Variants in ZBTB20 observed in about 807,000 individuals in gnomAD.
ZBTB20 encodes zinc finger and BTB domain-containing protein 20.
Under a neutral mutation model 56.9 loss-of-function variants are expected in ZBTB20, and 9 were observed. The ratio of observed to expected loss-of-function variants is 0.16; its 90% confidence interval spans 0.10 to 0.28. ZBTB20 has a LOEUF of 0.28. ZBTB20 is among the 10% of genes least tolerant of loss of function. The pLI is 1.00. For missense variants in ZBTB20, 655 were observed against 1,003.0 expected (o/e 0.65, Z 4.69); for synonymous variants, 417 against 420.7 (o/e 0.99, Z 0.11).
intron 3 of ZBTB20, among the ~76,000 whole-genome samples, chr3:114,953,550 C>G (rs746578919): frequency 1.5e-4 from 22 of 151,692 alleles, no homozygotes; most frequent in Non-Finnish European, 2.8e-4. Flanking sequence ...TATAATAAAG[C>G]TGGAATGGCT....
At chr3:115,144,424 T>A (rs974816964) in intron 1 of ZBTB20, among the ~76,000 whole-genome samples, 9 of 152,188 alleles carry the variant, frequency 5.9e-5, no homozygotes, top group African/African-American at 2.2e-4. Context: ...TAAAATATTT[T>A]TTCCTTAGAT....
intron 7 of ZBTB20, among the ~76,000 whole-genome samples, chr3:114,448,152 A>G (rs1313711087): frequency 6.6e-6 from 1 of 152,130 alleles, no homozygotes; most frequent in African/African-American, 2.4e-5. Flanking sequence ...GCAGCCACCC[A>G]GGATCAGCTC....
intron 3 of ZBTB20, among the ~76,000 whole-genome samples, chr3:114,945,607 A>C (rs1231857506): frequency 6.9e-6 from 1 of 145,632 alleles, no homozygotes; most frequent in Non-Finnish European, 1.5e-5. Flanking sequence ...ATTAATAAAA[A>C]AAGTTAAGAC....
intron 1 of ZBTB20, among the ~76,000 whole-genome samples, chr3:115,127,149 A>G (rs1355001039): frequency 6.6e-6 from 1 of 152,202 alleles, no homozygotes; most frequent in Non-Finnish European, 1.5e-5. Flanking sequence ...TATGTTATCT[A>G]TCTAGTCATT....
intron 5 of ZBTB20, among the ~76,000 whole-genome samples, chr3:114,765,715 T>C (rs755899710): frequency 3.3e-5 from 5 of 152,194 alleles, no homozygotes; most frequent in Non-Finnish European, 7.4e-5. Flanking sequence ...ATATATTGTT[T>C]AAGAAGGTTG....
At chr3:114,510,286 C>T (rs557797753) in intron 6 of ZBTB20, among the ~76,000 whole-genome samples, 1 of 152,178 alleles carries the variant, frequency 6.6e-6, no homozygotes. Flanking sequence ...GAAGTCCATT[C>T]ATCTCTGACC....
At chr3:114,628,153 C>T (rs1341349097) in intron 6 of ZBTB20, among the ~76,000 whole-genome samples, 1 of 152,130 alleles carries the variant, frequency 6.6e-6, no homozygotes, top group Non-Finnish European at 1.5e-5. Flanking sequence ...CTCAACAACT[C>T]CGCTCATAGT....
At chr3:114,451,205 C>CAA (rs10667324) in intron 7 of ZBTB20, among the ~76,000 whole-genome samples, 68,481 of 135,978 alleles carry the variant, frequency 0.5, 18,660 homozygotes, top group Non-Finnish European at 0.64. Context: ...CAGAGGATGC[C>CAA]AAAAAAAAAA....
chr3:114,372,056 C>G (rs1223780701), intron 10 of ZBTB20, among the ~76,000 whole-genome samples: 1 of 152,192 alleles, frequency 6.6e-6, no homozygotes, highest in Non-Finnish European at 1.5e-5. Context: ...AATCCTCATG[C>G]TTGCTCTCAA....
chr3:115,127,858 T>C (rs1277320235), intron 1 of ZBTB20, among the ~76,000 whole-genome samples: 3 of 152,202 alleles, frequency 2.0e-5, no homozygotes, highest in Admixed American at 1.3e-4. Context: ...TCAGAGTTTA[T>C]GTTGAAATGA....
At chr3:114,721,519 T>G (rs1056256952) in intron 5 of ZBTB20, among the ~76,000 whole-genome samples, 2 of 152,214 alleles carry the variant, frequency 1.3e-5, no homozygotes, top group African/African-American at 4.8e-5. Flanking sequence ...CACCGAACTA[T>G]GTGCTTTATG....
intron 5 of ZBTB20, among the ~76,000 whole-genome samples, chr3:114,769,223 A>G (rs996801833): frequency 6.6e-6 from 1 of 152,070 alleles, no homozygotes; most frequent in Non-Finnish European, 1.5e-5. Flanking sequence ...TTTATTGTTA[A>G]TCATGCATTT....
intron 6 of ZBTB20, among the ~76,000 whole-genome samples, chr3:114,576,794 C>CAGAGAG (rs60818267): frequency 6.6e-6 from 1 of 151,214 alleles, no homozygotes; most frequent in African/African-American, 2.4e-5. Flanking sequence ...TCAAAAAAGA[C>CAGAGAG]AGAGAGTGAG....
intron 4 of ZBTB20, among the ~76,000 whole-genome samples, chr3:114,808,046 T>C (rs895643496): frequency 1.3e-5 from 2 of 152,162 alleles, no homozygotes; most frequent in African/African-American, 2.4e-5. Flanking sequence ...TAGAAAAGTT[T>C]GTGAAATACT....
intron 7 of ZBTB20, among the ~76,000 whole-genome samples, chr3:114,451,766 T>C (rs1454309713): frequency 6.6e-6 from 1 of 152,138 alleles, no homozygotes; most frequent in Non-Finnish European, 1.5e-5. Context: ...CTGGAGCGGA[T>C]TGCCTACAGG....
chr3:114,958,852 GAA>G (rs1329885839), intron 3 of ZBTB20, among the ~76,000 whole-genome samples: 1 of 119,828 alleles, frequency 8.3e-6, no homozygotes, highest in Admixed American at 8.6e-5. Context: ...GTCTGTCTCA[GAA>G]AAAAAAAAAA....
chr3:115,059,962 C>T (rs796757347), intron 2 of ZBTB20, among the ~76,000 whole-genome samples: 46 of 152,218 alleles, frequency 3.0e-4, no homozygotes, highest in African/African-American at 1.1e-3. Flanking sequence ...TTCAGTGTTT[C>T]ATCTTTGAAT....
At chr3:114,637,091 G>C (rs541874109) in intron 6 of ZBTB20, among the ~76,000 whole-genome samples, 42 of 152,124 alleles carry the variant, frequency 2.8e-4, no homozygotes, top group Non-Finnish European at 4.1e-4. Context: ...AAGAGACAGA[G>C]AGAAGGTCAT....
rs939946491 is a variant in ZBTB20 at position 114,861,212 on chromosome 3, TTACTC to T, written c.-417+39087_-417+39091del. 6.2e-4 allele frequency among the ~76,000 whole-genome samples: 95 copies of T among 152,318 alleles called. 2 individuals carry two copies. The highest frequency in any genetic ancestry group is 2.1e-3 in the African/African-American group (89 of 41,574). On this transcript the variant is annotated intron_variant, in intron 4 of 11. Coordinates refer to ENST00000675478, the MANE Select transcript of ZBTB20 (RefSeq NM_001348800.3). ...TCACATCTGAAATAGCTTGCCAACT[TTACTC>T]TACCTATCTCACTTTATTATTTTTC...
Sources: gnomAD v4.1 joint callset for allele counts (sites outside exome capture counted in the v4.1 genomes callset) on GRCh38, gnomAD v4.1.1 for gene constraint, MANE v1.5 for transcripts, NCBI Gene and HGNC (gene_info 2026-07-23, HGNC 2026-07-21) for gene names.